The following IRX1 variants were observed in gnomAD, a reference collection of about 807,000 sequenced individuals.
IRX1 encodes iroquois homeobox 1, also known as iroquois-class homeodomain protein IRX-1.
IRX1 carries 22 observed loss-of-function variants against 34.1 expected under a neutral mutation model. The ratio of observed to expected loss-of-function variants is 0.64; its 90% CI spans 0.46 to 0.92. The LOEUF is 0.92. Among genes scored for constraint, IRX1 ranks in the 40% least tolerant of loss-of-function variants. IRX1 has a pLI of 0.00. For missense variants in IRX1, 758 were observed against 680.0 expected (o/e 1.11, Z -1.28); for synonymous variants, 363 against 319.0 (o/e 1.14, Z -1.47).
Position 3,599,169 on chromosome 5 carries a change from T to C in IRX1, c.277-56T>C. The C allele has an allele frequency of 6.5e-7, 1 of 1,527,068 alleles. No individual in the cohort carries two copies. Among genetic ancestry groups the C allele is most frequent in the Non-Finnish European group, 8.9e-7 (1 of 1,123,624 alleles). 94.6% of individuals were successfully genotyped at this position (1,527,068 alleles called of 1,614,324 possible). ...ACTCATGTCTCTCTCTCTCTCTCCC[T>C]TTCTCTCTCCACTTCCCTCCTCTCT... On this transcript the variant is annotated intron_variant, in intron 1 of 3. Transcript: ENST00000302006. The surrounding 1 kb of genome is among the most constrained non-coding windows in gnomAD (Gnocchi z 6.6).
Position 3,601,067 on chromosome 5 carries a change from GGGGGAGGGGGGAGGAGTT to G in IRX1, c.*36_*53del, listed in dbSNP as rs1203124671. ...TAAGGGTCTTCTTTTACTTTTGCGGGGGGGAGGGGGGAGGAGTTGGGGAGGGAGGGAATGTGGGAGGAA... is the reference window on the plus strand; with the variant it reads ...TAAGGGTCTTCTTTTACTTTTGCGGGGGGGAGGGAGGGAATGTGGGAGGAA... On this transcript the variant is annotated 3_prime_UTR_variant, in exon 4 of 4. Coordinates refer to ENST00000302006, the MANE Select transcript of IRX1 (RefSeq NM_024337.4). The G allele has an allele frequency of 2.5e-6, 4 of 1,587,292 alleles. No homozygotes were observed. The highest frequency in any genetic ancestry group is 3.5e-6 in the Non-Finnish European group (4 of 1,157,026).
At chr5:3,597,975 G>T (rs1297682882) in intron 1 of IRX1, among the ~76,000 whole-genome samples, 1 of 152,148 alleles carries the variant, frequency 6.6e-6, no homozygotes, top group Non-Finnish European at 1.5e-5. Flanking sequence ...TGCACCCTTT[G>T]TGGAGAGCTG....
chr5:3,600,003 T>A lies in IRX1; in HGVS notation c.1055T>A (p.Leu352Gln). The part of the protein sequence containing the change: ...GAHGPSAGAP[L>Q]QHPAFLPSHG... ...CACGGGCCCTCCGCCGGGGCGCCGC[T>A]GCAACACCCCGCCTTCCTGCCTAGC... The change falls in exon 2 of 4, where the codon CTG (leucine) becomes CAG (glutamine). Residue 352 changes from leucine (L) to glutamine (Q), a missense_variant. Physicochemically the swap from Leu to Gln is moderately radical, Grantham distance 113 (BLOSUM62 -2). Transcript: ENST00000302006. 6.5e-7 allele frequency: 1 copy of A among 1,531,740 alleles called. No individual in the cohort carries two copies. Among genetic ancestry groups the A allele is most frequent in the Non-Finnish European group, 8.8e-7 (1 of 1,134,796 alleles). 94.9% of individuals were successfully genotyped at this position (1,531,740 alleles called of 1,614,324 possible). A position where few individuals can be genotyped will look rare whatever the true frequency, so the allele number is the denominator to read the frequency against.
chr5:3,599,589 C>A lies in IRX1; in HGVS notation c.641C>A (p.Pro214Gln), dbSNP rs762656812. 2.5e-6 allele frequency: 4 copies of A among 1,613,922 alleles called. No homozygotes were observed. Among genetic ancestry groups the A allele is most frequent in the Non-Finnish European group, 1.7e-6 (2 of 1,180,040 alleles). Reference sequence around the variant, plus strand: ...TTCGGCAGCGACACCGAGGGCGACCCGGAGAAGGCCGAGGACGACGAGGAG... The same window carrying A: ...TTCGGCAGCGACACCGAGGGCGACCAGGAGAAGGCCGAGGACGACGAGGAG... ...ALFGSDTEGD[P>Q]EKAEDDEEID... is the part of the protein sequence containing the mutation. The change falls in exon 2 of 4, where the codon CCG (proline) becomes CAG (glutamine). Residue 214 changes from proline (P) to glutamine (Q), a missense_variant. This residue lies in a region of IRX1 where 529 missense variants were observed against 418.8 expected (regional missense o/e 1.26). Coordinates refer to ENST00000302006, the MANE Select transcript of IRX1 (RefSeq NM_024337.4). The surrounding 1 kb of genome is among the most constrained non-coding windows in gnomAD (Gnocchi z 6.6).
At chr5:3,598,462 G>A (rs1331982173) in intron 1 of IRX1, among the ~76,000 whole-genome samples, 1 of 152,112 alleles carries the variant, frequency 6.6e-6, no homozygotes, top group Non-Finnish European at 1.5e-5. Context: ...CCTGGCCGCC[G>A]GTGGCTCCCA....
rs763708350 is a variant in IRX1 at position 3,596,283 on chromosome 5, G to C, written c.178G>C (p.Val60Leu). Residue 60 changes from valine to leucine, a missense_variant, in exon 1 of 4, where the codon GTG (valine) becomes CTG (leucine). Transcript: ENST00000302006. ...GGAGAAAVTS[V>L]LGMYAAAGPY... ...GGCAGGCGCGGCTGCAGTCACCTCG[G>C]TGCTGGGCATGTACGCGGCGGCGGG... 10 of 1,397,194 alleles carry C rather than the reference G, an allele frequency of 7.2e-6. No homozygotes were observed. Among genetic ancestry groups the C allele is most frequent in the Non-Finnish European group, 6.5e-6 (7 of 1,076,090 alleles). The allele number at this position is 1,397,194 out of a possible 1,614,324, so 86.5% of individuals were successfully genotyped here. A position where few individuals can be genotyped will look rare whatever the true frequency, so the allele number is the denominator to read the frequency against.
Position 3,599,641 on chromosome 5 carries a change from C to A in IRX1, c.693C>A (p.Asp231Glu). The change falls in exon 2 of 4, where the codon GAC becomes GAA. Residue 231 changes from aspartate to glutamate, a missense_variant. By Grantham distance (45) the Asp-to-Glu change is conservative. Transcript: ENST00000302006. This position sits in a 1 kb window ranked among gnomAD's most constrained non-coding sequence, Gnocchi z 6.6. ...EEIDLESIDI[D>E]KIDEHDGDQS... ...TCGACCTGGAAAGCATCGACATTGA[C>A]AAGATCGACGAGCACGATGGCGACC... 1.9e-6 allele frequency: 3 copies of A among 1,613,908 alleles called. No homozygotes were observed. Among genetic ancestry groups the A allele is most frequent in the Non-Finnish European group, 2.5e-6 (3 of 1,180,012 alleles).
rs1203194625 is a variant in IRX1, at chr5:3,599,294, G to A, written c.346G>A (p.Ala116Thr). 1.2e-6 allele frequency: 2 copies of A among 1,613,888 alleles called. No homozygotes were observed. The highest frequency in any genetic ancestry group is 1.7e-6 in the Non-Finnish European group (2 of 1,180,034). Residue 116 changes from alanine to threonine, a missense_variant, in exon 2 of 4, where the codon GCT (alanine) becomes ACT (threonine). Transcript: ENST00000302006. This position sits in a 1 kb window ranked among gnomAD's most constrained non-coding sequence, Gnocchi z 6.6. Reference sequence around the variant, plus strand: ...CACCTTCGCAGCCCACACGGCGCCGGCTTATTACCCCTACGGCCAGTTCCA... The same window carrying A: ...CACCTTCGCAGCCCACACGGCGCCGACTTATTACCCCTACGGCCAGTTCCA... ...PATFAAHTAP[A>T]YYPYGQFQYG... is the part of the protein sequence containing the mutation.
rs746971580 is a variant in IRX1 at position 3,596,403 on chromosome 5, C to G, written c.276+22C>G. 23 of 1,488,852 alleles carry G rather than the reference C, an allele frequency of 1.5e-5. No homozygotes were observed. In the Admixed American group the frequency reaches 3.6e-4, roughly 24 times the overall value. The allele number at this position is 1,488,852 out of a possible 1,614,324, so 92.2% of individuals were successfully genotyped here. A position where few individuals can be genotyped will look rare whatever the true frequency, so the allele number is the denominator to read the frequency against. On this transcript the variant is annotated intron_variant, in intron 1 of 3. Coordinates refer to ENST00000302006, the MANE Select transcript of IRX1 (RefSeq NM_024337.4). ...GATGGTGAGTGCGCCCGGCCTCCCC[C>G]GCTTCTCCTCTGTCTCACCCGCGCC...
rs538885332 is a variant in IRX1 at position 3,599,118 on chromosome 5, C to T, written c.277-107C>T. 37 of 1,204,688 alleles carry T rather than the reference C, an allele frequency of 3.1e-5. 1 individual carries two copies. The South Asian group carries it at 3.7e-4, about 12-fold the overall frequency. 74.6% of individuals were successfully genotyped at this position (1,204,688 alleles called of 1,614,324 possible). The stretch of plus-strand genomic sequence containing the variant: ...GAGGCCCTCGAGTCCATTGAAGCGG[C>T]TGCTTCCCACTCTCCCGTCTTGGGG... On this transcript the variant is annotated intron_variant, in intron 1 of 3. Transcript: ENST00000302006. This position sits in a 1 kb window ranked among gnomAD's most constrained non-coding sequence, Gnocchi z 6.6.
Position 3,596,018 on chromosome 5 carries a change from G to GA in IRX1, c.-88_-87insA. On this transcript the variant is annotated 5_prime_UTR_variant, in exon 1 of 4. Coordinates refer to ENST00000302006, the MANE Select transcript of IRX1 (RefSeq NM_024337.4). ...CGCTCCTCCCTAGACCCCTCGCGGC[G>GA]CCCCCTGCAACCCCCTCCGGCCGGC... 1.1e-6 allele frequency: 1 copy of GA among 872,648 alleles called. No individual in the cohort carries two copies. The highest frequency in any genetic ancestry group is 1.4e-6 in the Non-Finnish European group (1 of 724,398). The allele number at this position is 872,648 out of a possible 1,614,324, so 54.1% of individuals were successfully genotyped here.
At position 3,600,122 on chromosome 5, in the gene IRX1, C is replaced by G. The variant is rs982545520; in HGVS notation, c.1174C>G (p.Leu392Val). Residue 392 changes from leucine (L) to valine (V), a missense_variant, in exon 2 of 4, where the codon CTG becomes GTG. Physicochemically the swap from Leu to Val is conservative, Grantham distance 32. Coordinates refer to ENST00000302006, the MANE Select transcript of IRX1 (RefSeq NM_024337.4). ...CTCCCTGCTCAACATGCGCTCCTTC[C>G]TGGGCGTTGGCGCTCCCCACGCCGC... is the stretch of plus-strand genomic sequence containing the variant. ...QGSLLNMRSF[L>V]GVGAPHAAPH... 3.1e-6 allele frequency: 5 copies of G among 1,613,244 alleles called. No individual in the cohort carries two copies. Among genetic ancestry groups the G allele is most frequent in the East Asian group, 2.2e-5 (1 of 44,874 alleles).
intron 1 of IRX1, 99 bp downstream of exon 1, chr5:3,596,480 T>A: frequency 1.7e-6 from 2 of 1,203,788 alleles, no homozygotes; most frequent in Non-Finnish European, 2.1e-6. Context: ...GTGGACCTGG[T>A]CCGGAAGAGG....
intron 3 of IRX1, 21 bp from the exon 4 acceptor site, chr5:3,600,962 C>T: frequency 6.2e-7 from 1 of 1,612,992 alleles, no homozygotes; most frequent in Non-Finnish European, 8.5e-7. Flanking sequence ...GTCTTCTTGT[C>T]TCGCTGTGTT....
At chr5:3,596,688 G>T (rs1394070875) in intron 1 of IRX1, among the ~76,000 whole-genome samples, 1 of 151,990 alleles carries the variant, frequency 6.6e-6, no homozygotes, top group Non-Finnish European at 1.5e-5. Context: ...CGCGCTGGAG[G>T]TCGGGGGCAA....
chr5:3,598,957 CA>C (rs1195526665), intron 1 of IRX1, among the ~76,000 whole-genome samples: 1 of 152,122 alleles, frequency 6.6e-6, no homozygotes, highest in East Asian at 1.9e-4. Flanking sequence ...TCTAGAGTGG[CA>C]AAAACGATCT....
chr5:3,599,542 G>A lies in IRX1; in HGVS notation c.594G>A (p.Lys198=), dbSNP rs756671296. Residue 198 remains lysine (K), a synonymous_variant, in exon 2 of 4, where the codon AAG becomes AAA. Coordinates refer to ENST00000302006, the MANE Select transcript of IRX1 (RefSeq NM_024337.4). The surrounding 1 kb of genome is among the most constrained non-coding windows in gnomAD (Gnocchi z 6.6). Reference sequence around the variant, plus strand: ...AGGTGACATGGGGAGCGCGCAGCAAGGACCAGGAAGATGGAGCGCTCTTCG... The same window carrying A: ...AGGTGACATGGGGAGCGCGCAGCAAAGACCAGGAAGATGGAGCGCTCTTCG... The part of the protein sequence containing the change: ...ENKVTWGARS[K]DQEDGALFGS... 2.5e-6 allele frequency: 4 copies of A among 1,614,078 alleles called. No individual in the cohort carries two copies. In the South Asian group the frequency reaches 4.4e-5, roughly 18 times the overall value.
At position 3,601,062 on chromosome 5, in the gene IRX1, TGCGGGG is replaced by T. The variant is rs762779539; in HGVS notation, c.*24_*29del. 8.3e-7 allele frequency: 1 copy of T among 1,210,548 alleles called. No individual in the cohort carries two copies. The highest frequency in any genetic ancestry group is 1.1e-6 in the Non-Finnish European group (1 of 922,656). The allele number at this position is 1,210,548 out of a possible 1,614,324, so 75.0% of individuals were successfully genotyped here. On this transcript the variant is annotated 3_prime_UTR_variant, in exon 4 of 4. Coordinates refer to ENST00000302006, the MANE Select transcript of IRX1 (RefSeq NM_024337.4). ...CTGATTAAGGGTCTTCTTTTACTTT[TGCGGGG>T]GGGAGGGGGGAGGAGTTGGGGAGGG...
At chr5:3,597,528 C>A (rs909573240) in intron 1 of IRX1, among the ~76,000 whole-genome samples, 2 of 152,198 alleles carry the variant, frequency 1.3e-5, no homozygotes, top group African/African-American at 4.8e-5. Flanking sequence ...GGCCCGGCTG[C>A]CTTTCAGGTC....
Sources: gnomAD v4.1 joint callset for allele counts (sites outside exome capture counted in the v4.1 genomes callset) on GRCh38, gnomAD v4.1.1 for gene constraint, gnomAD v4.1.1 regional missense constraint, Gnocchi (gnomAD v3.1) non-coding constraint, MANE v1.5 for transcripts, NCBI Gene and HGNC (gene_info 2026-07-23, HGNC 2026-07-21) for gene names.